NCBP2L: variants seen among roughly 807,000 people sequenced by gnomAD.
NCBP2L encodes the protein nuclear cap-binding protein subunit 2-like.
For synonymous variants in NCBP2L, 39 were observed against 19.2 expected (o/e 2.04, Z -2.70); for missense variants, 95 against 53.1 (o/e 1.79, Z -2.45).
chrX:107,786,872 T>C (rs1189750325), intron 1 of NCBP2L, among the ~76,000 whole-genome samples: 1 of 111,936 alleles, frequency 8.9e-6, no homozygotes, highest in Non-Finnish European at 1.9e-5. Context: ...TCTTTTCTTT[T>C]CTTTATCTGG....
rs762040552 is a variant in NCBP2L at position 107,794,193 on chromosome X, G to T, written c.-28G>T. On this transcript the variant is annotated 5_prime_UTR_variant, in exon 2 of 2. Coordinates refer to ENST00000509000, the MANE Select transcript of NCBP2L (RefSeq NM_001348372.2). Reference sequence around the variant, plus strand: ...CTGCTGCCAAGCTGGACCGAAAACGGCCATCGGCATGCTGCCCAACCAGCA... The same window carrying T: ...CTGCTGCCAAGCTGGACCGAAAACGTCCATCGGCATGCTGCCCAACCAGCA... The T allele has an allele frequency of 2.2e-5, 11 of 499,650 alleles. No individual in the cohort carries two copies. In the South Asian group the frequency reaches 2.4e-4, roughly 11 times the overall value. 41.2% of individuals were successfully genotyped at this position (499,650 alleles called of 1,213,427 possible). A position where few individuals can be genotyped will look rare whatever the true frequency, so the allele number is the denominator to read the frequency against.
In NCBP2L at chrX:107,784,873, G is replaced by C. The variant is rs186910627; in HGVS notation, c.-73+7015G>C. The stretch of plus-strand genomic sequence containing the variant: ...ATGCACCTGTGGTTTCAGCTACTCA[G>C]GAGGCTGAGGTGGGAAGATTGCTTG... On this transcript the variant is annotated intron_variant, in intron 1 of 1. Coordinates refer to ENST00000509000, the MANE Select transcript of NCBP2L (RefSeq NM_001348372.2). Among the ~76,000 whole-genome samples, 854 of 108,413 alleles carry C rather than the reference G, an allele frequency of 7.9e-3. 10 individuals are homozygous for C. Among genetic ancestry groups the C allele is most frequent in the African/African-American group, 0.027 (811 of 29,646 alleles). The allele number at this position is 108,413 out of a possible 115,157, so 94.1% of individuals were successfully genotyped here.
chrX:107,781,398 C>T (rs1569457056), intron 1 of NCBP2L, among the ~76,000 whole-genome samples: 2 of 107,893 alleles, frequency 1.9e-5, no homozygotes, highest in African/African-American at 3.4e-5. Flanking sequence ...CTCCGCCTCC[C>T]GGGTTCAAGC....
At chrX:107,779,679 C>T (rs1029435340) in intron 1 of NCBP2L, among the ~76,000 whole-genome samples, 16 of 109,607 alleles carry the variant, frequency 1.5e-4, no homozygotes, top group Non-Finnish European at 2.3e-4. Context: ...CCACCCGCTT[C>T]GGCCTCCTAA....
At chrX:107,781,784 ATAGATATCTATATTTATATATAGATATC>A (rs748788426) in intron 1 of NCBP2L, among the ~76,000 whole-genome samples, 16 of 73,505 alleles carry the variant, frequency 2.2e-4, no homozygotes, top group African/African-American at 8.5e-4. Flanking sequence ...ATATAGATCT[ATAGATATCTATATTTATATATAGATATC>A]TAGATATCTA....
chrX:107,779,904 C>T (rs765166865), intron 1 of NCBP2L, among the ~76,000 whole-genome samples: 7 of 108,791 alleles, frequency 6.4e-5, no homozygotes, highest in Non-Finnish European at 9.6e-5. Context: ...CTACCACGCC[C>T]GGCTAATTTT....
intron 1 of NCBP2L, among the ~76,000 whole-genome samples, chrX:107,781,917 G>T (rs1930297999): frequency 1.1e-5 from 1 of 92,166 alleles, no homozygotes; most frequent in Non-Finnish European, 2.1e-5. Flanking sequence ...TAGAGACAGG[G>T]TTTCACCATG....
In NCBP2L at chrX:107,794,506, A is replaced by G. The variant is rs1236289052; in HGVS notation, c.286A>G (p.Met96Val). The G allele has an allele frequency of 3.5e-6, 2 of 570,252 alleles. No homozygotes were observed. Among genetic ancestry groups the G allele is most frequent in the East Asian group, 3.2e-5 (1 of 30,843 alleles). The allele number at this position is 570,252 out of a possible 1,213,427, so 47.0% of individuals were successfully genotyped here. ...CHNRADAENA[M>V]RFLTGTCLDE... ...TAACAGAGCTGATGCTGAAAATGCC[A>G]TGCGGTTTCTAACTGGGACCTGCCT... Residue 96 changes from methionine (M) to valine (V), a missense_variant, in exon 2 of 2, where the codon ATG becomes GTG. Coordinates refer to ENST00000509000, the MANE Select transcript of NCBP2L (RefSeq NM_001348372.2).
chrX:107,778,014 T>G (rs200933665), intron 1 of NCBP2L, among the ~76,000 whole-genome samples, 156 bp downstream of exon 1: 1 of 86,610 alleles, frequency 1.2e-5, no homozygotes, highest in Non-Finnish European at 2.2e-5. Flanking sequence ...CTTCTTCGCT[T>G]TTTTTTTTTT....
chrX:107,781,784 A>ATAGATATCTATATTTATATATAGATATC (rs748788426), intron 1 of NCBP2L, among the ~76,000 whole-genome samples: 25,760 of 73,251 alleles, frequency 0.35, 5,186 homozygotes, highest in Non-Finnish European at 0.42. Context: ...ATATAGATCT[A>ATAGATATCTATATTTATATATAGATATC]TAGATATCTA....
chrX:107,783,094 T>G (rs1263707558), intron 1 of NCBP2L, among the ~76,000 whole-genome samples: 2 of 110,289 alleles, frequency 1.8e-5, no homozygotes, highest in East Asian at 5.7e-4. Context: ...CAAGCTTTCT[T>G]AGCACAGTTC....
In NCBP2L at chrX:107,785,012, A is replaced by AGAAGGAAGGAAG. The variant is rs376629064; in HGVS notation, c.-73+7170_-73+7181dup. Among the ~76,000 whole-genome samples, 367 of 101,793 alleles carry AGAAGGAAGGAAG rather than the reference A, an allele frequency of 3.6e-3. 1 individual carries two copies. The highest frequency in any genetic ancestry group is 0.013 in the African/African-American group (352 of 26,426). The allele number at this position is 101,793 out of a possible 115,157, so 88.4% of individuals were successfully genotyped here. A position where few individuals can be genotyped will look rare whatever the true frequency, so the allele number is the denominator to read the frequency against. On this transcript the variant is annotated intron_variant, in intron 1 of 1. Coordinates refer to ENST00000509000, the MANE Select transcript of NCBP2L (RefSeq NM_001348372.2). The stretch of plus-strand genomic sequence containing the variant: ...ACAAAAGAAAGAAGGAAGGAAAGAA[A>AGAAGGAAGGAAG]GAAGGAAGGAAGGAAGGAAGGAAGG...
intron 1 of NCBP2L, among the ~76,000 whole-genome samples, chrX:107,783,766 C>T (rs746496715): frequency 2.6e-4 from 29 of 110,794 alleles, no homozygotes; most frequent in Non-Finnish European, 4.5e-4. Context: ...ATACATCAAC[C>T]TGTCTTTGTA....
chrX:107,778,309 T>C (rs1930216247), intron 1 of NCBP2L, among the ~76,000 whole-genome samples: 1 of 112,191 alleles, frequency 8.9e-6, no homozygotes, highest in Non-Finnish European at 1.9e-5. Flanking sequence ...AGTATTTCCT[T>C]CTTGGCATTT....
At chrX:107,783,374 T>A (rs1459831071) in intron 1 of NCBP2L, among the ~76,000 whole-genome samples, 11 of 84,709 alleles carry the variant, frequency 1.3e-4, no homozygotes, top group African/African-American at 4.4e-4. Flanking sequence ...TTTTTTTTTT[T>A]TTTTTATTTT....
chrX:107,780,629 CT>C (rs984996831), intron 1 of NCBP2L, among the ~76,000 whole-genome samples: 5,722 of 85,415 alleles, frequency 0.067, 523 homozygotes, highest in African/African-American at 0.25. Context: ...GGGAAGTTCA[CT>C]TTTTTTTTTT....
At chrX:107,782,350 TAA>T (rs1359386977) in intron 1 of NCBP2L, among the ~76,000 whole-genome samples, 2 of 40,107 alleles carry the variant, frequency 5.0e-5, no homozygotes, top group Non-Finnish European at 6.8e-5. Context: ...TATATATATA[TAA>T]ATATATATAT....
intron 1 of NCBP2L, among the ~76,000 whole-genome samples, chrX:107,781,702 A>ATATATATATATC (rs1569457120): frequency 2.9e-5 from 2 of 68,196 alleles, no homozygotes; most frequent in African/African-American, 1.7e-4. Context: ...CTATATATAT[A>ATATATATATATC]TATATATAGA....
chrX:107,795,629 G>A lies in NCBP2L; in HGVS notation c.*947G>A, dbSNP rs1930510375. ...GCCCAAGTGTAGGCTAATGTAAAAT[G>A]TTTAAGATAGGTTGTGCTATGCTAT... is the stretch of plus-strand genomic sequence containing the variant. On this transcript the variant is annotated 3_prime_UTR_variant, in exon 2 of 2. Transcript: ENST00000509000. The A allele has an allele frequency of 8.9e-6, 1 of 111,762 alleles. No individual in the cohort carries two copies. The highest frequency in any genetic ancestry group is 9.6e-5 in the Admixed American group (1 of 10,465). The allele number at this position is 111,762 out of a possible 1,213,427, so 9.2% of individuals were successfully genotyped here. A position where few individuals can be genotyped will look rare whatever the true frequency, so the allele number is the denominator to read the frequency against.
Sources: allele counts gnomAD v4.1 joint callset (sites outside exome capture counted in the v4.1 genomes callset), GRCh38; gene constraint gnomAD v4.1.1; transcripts MANE v1.5; gene names NCBI Gene and HGNC (gene_info 2026-07-23, HGNC 2026-07-21).